Variants in SLC37A3 observed in about 807,000 individuals in gnomAD.
The protein encoded by SLC37A3 is sugar phosphate exchanger 3.
SLC37A3 carries 51 observed loss-of-function variants against 67.1 expected under a neutral mutation model. That is an observed-to-expected ratio of 0.76 (90% CI 0.61 to 0.96). SLC37A3 has a LOEUF of 0.96. Ranked by LOEUF, SLC37A3 falls within the 40% of genes least tolerant of loss-of-function variation. The probability of loss-of-function intolerance (pLI) is 0.00; values close to 1 mark genes in which losing one functional copy is unlikely to be tolerated. For synonymous variants in SLC37A3, 214 were observed against 231.4 expected (o/e 0.92, Z 0.68); for missense variants, 508 against 603.0 (o/e 0.84, Z 1.65).
In SLC37A3 at chr7:140,364,627, C is replaced by T. The variant is rs1457684209; in HGVS notation, c.292-136G>A. 16 of 735,386 alleles carry T rather than the reference C, an allele frequency of 2.2e-5. No homozygotes were observed. In the East Asian group the frequency reaches 4.2e-4, roughly 19 times the overall value. The allele number at this position is 735,386 out of a possible 1,614,324, so 45.6% of individuals were successfully genotyped here. ...TTATACACATGCCGAGGCTACCTGT[C>T]TACAGGAGTTTCACAAATGTTTCAT... is the stretch of plus-strand genomic sequence containing the variant. On this transcript the variant is annotated intron_variant, in intron 4 of 14. Transcript: ENST00000326232.
chr7:140,355,635 G>C (rs376942116), intron 7 of SLC37A3, 33 bp downstream of exon 7: 2 of 1,561,536 alleles, frequency 1.3e-6, no homozygotes, highest in South Asian at 1.1e-5. Flanking sequence ...CAGAGAGAGA[G>C]AGAGAGCACC....
intron 2 of SLC37A3, among the ~76,000 whole-genome samples, chr7:140,381,895 T>C (rs919610960): frequency 6.6e-6 from 1 of 151,160 alleles, no homozygotes; most frequent in Admixed American, 6.6e-5. Flanking sequence ...GCACCTGTAA[T>C]CCCAGCTACT....
intron 10 of SLC37A3, among the ~76,000 whole-genome samples, chr7:140,346,568 T>G (rs1163386572): frequency 6.6e-6 from 1 of 152,174 alleles, no homozygotes; most frequent in African/African-American, 2.4e-5. Context: ...TGAATGCTAT[T>G]TTTGATTTTT....
chr7:140,338,544 T>C (rs1461212520), intron 13 of SLC37A3, among the ~76,000 whole-genome samples: 2 of 152,264 alleles, frequency 1.3e-5, no homozygotes, highest in South Asian at 2.1e-4. Flanking sequence ...CAATCTCTGC[T>C]TACTGCAACC....
intron 8 of SLC37A3, 79 bp downstream of exon 8, chr7:140,351,983 G>A (rs1204483972): frequency 7.3e-7 from 1 of 1,374,306 alleles, no homozygotes; most frequent in African/African-American, 1.4e-5. Context: ...GGAAAAAAGA[G>A]ATTCGATTTC....
chr7:140,393,199 T>C (rs1798789555), intron 1 of SLC37A3, among the ~76,000 whole-genome samples: 1 of 152,182 alleles, frequency 6.6e-6, no homozygotes, highest in East Asian at 1.9e-4. Context: ...GCACAATCTG[T>C]GCCTCTGCAC....
At chr7:140,386,830 C>A (rs1486662945) in intron 1 of SLC37A3, 1 of 152,102 alleles carries the variant, frequency 6.6e-6, no homozygotes, top group Admixed American at 6.6e-5. Flanking sequence ...AAGCACTAAC[C>A]AGACCCCACC....
intron 13 of SLC37A3, among the ~76,000 whole-genome samples, chr7:140,338,911 C>G (rs973095174): frequency 6.6e-6 from 1 of 151,438 alleles, no homozygotes; most frequent in Admixed American, 6.6e-5. Flanking sequence ...GGTGCCACCC[C>G]CCGCCCAGCT....
chr7:140,380,437 G>A lies in SLC37A3; in HGVS notation c.90-47C>T, dbSNP rs1016782173. ...GATGAATGAATAGCAAAGAGAAACA[G>A]CATTCAATAAAATCACAGGTATAGG... On this transcript the variant is annotated intron_variant, in intron 2 of 14. Coordinates refer to ENST00000326232, the MANE Select transcript of SLC37A3 (RefSeq NM_207113.3). 3.0e-6 allele frequency: 4 copies of A among 1,351,830 alleles called. No homozygotes were observed. The African/African-American group carries it at 5.8e-5, about 20-fold the overall frequency. 83.7% of individuals were successfully genotyped at this position (1,351,830 alleles called of 1,614,324 possible).
At position 140,362,454 on chromosome 7, in the gene SLC37A3, C is replaced by A. The variant is rs1399544535; in HGVS notation, c.375+1954G>T. Reference sequence around the variant, plus strand: ...GTCAGCCCCCCGCCCGGCCAGCCGCCCCGTCTGGGAGGTGAGGGGCGCCTC... The same window carrying A: ...GTCAGCCCCCCGCCCGGCCAGCCGCACCGTCTGGGAGGTGAGGGGCGCCTC... On this transcript the variant is annotated intron_variant, in intron 5 of 14. Coordinates refer to ENST00000326232, the MANE Select transcript of SLC37A3 (RefSeq NM_207113.3). 2.6e-4 allele frequency among the ~76,000 whole-genome samples: 38 copies of A among 147,076 alleles called. 1 individual carries two copies. Among genetic ancestry groups the A allele is most frequent in the African/African-American group, 9.0e-4 (36 of 39,846 alleles).
intron 8 of SLC37A3, 44 bp downstream of exon 8, chr7:140,352,018 A>T: frequency 6.4e-7 from 1 of 1,564,274 alleles, no homozygotes; most frequent in Non-Finnish European, 8.7e-7. Flanking sequence ...CCTTTCGGCC[A>T]TAATAGTAAG....
intron 1 of SLC37A3, among the ~76,000 whole-genome samples, chr7:140,397,421 T>C (rs1190302953): frequency 1.3e-5 from 2 of 151,914 alleles, no homozygotes; most frequent in East Asian, 2.0e-4. Flanking sequence ...CTTGAACTCC[T>C]GACCTCAAGG....
At chr7:140,338,945 C>T (rs1448338525) in intron 13 of SLC37A3, among the ~76,000 whole-genome samples, 3 of 148,996 alleles carry the variant, frequency 2.0e-5, no homozygotes, top group African/African-American at 7.4e-5. Context: ...TTAGTAGAGA[C>T]GAGGTTTCAC....
intron 7 of SLC37A3, among the ~76,000 whole-genome samples, chr7:140,354,708 A>G (rs1337745008): frequency 1.4e-5 from 2 of 146,526 alleles, no homozygotes; most frequent in Non-Finnish European, 3.0e-5. Flanking sequence ...TGCTCTTTAC[A>G]TATTAGGGGG....
chr7:140,351,610 A>C (rs530503242), intron 8 of SLC37A3, 159 bp from the exon 9 acceptor site: 1 of 652,786 alleles, frequency 1.5e-6, no homozygotes, highest in East Asian at 2.8e-5. Flanking sequence ...AATTAAAGTC[A>C]CACAGTCTAT....
At chr7:140,374,566 T>C (rs1345461270) in intron 3 of SLC37A3, among the ~76,000 whole-genome samples, 3 of 151,472 alleles carry the variant, frequency 2.0e-5, no homozygotes, top group African/African-American at 7.3e-5. Flanking sequence ...CTCATGCTTA[T>C]AATCCAACAC....
At chr7:140,364,054 A>C (rs1281099989) in intron 5 of SLC37A3, among the ~76,000 whole-genome samples, 1 of 152,172 alleles carries the variant, frequency 6.6e-6, no homozygotes, top group Non-Finnish European at 1.5e-5. Context: ...GCCAGGAGAT[A>C]AGACTGGCCA....
chr7:140,370,854 T>C (rs1278438591), intron 3 of SLC37A3, among the ~76,000 whole-genome samples: 7 of 152,170 alleles, frequency 4.6e-5, no homozygotes, highest in Non-Finnish European at 7.3e-5. Context: ...CCAACTCTAG[T>C]CCTAAGTATT....
intron 13 of SLC37A3, among the ~76,000 whole-genome samples, chr7:140,339,669 T>G (rs1041025336): frequency 3.9e-5 from 6 of 152,072 alleles, no homozygotes; most frequent in Non-Finnish European, 8.8e-5. Context: ...AGCTGCATCA[T>G]TTTGCATTCC....
Sources: allele counts gnomAD v4.1 joint callset (sites outside exome capture counted in the v4.1 genomes callset), GRCh38; gene constraint gnomAD v4.1.1; transcripts MANE v1.5; gene names NCBI Gene and HGNC (gene_info 2026-07-23, HGNC 2026-07-21).